The following TRAPPC9 variants were observed in gnomAD, a reference collection of about 807,000 sequenced individuals.
TRAPPC9 encodes IKK2 binding protein.
In TRAPPC9, 83 loss-of-function variants were observed where a neutral mutation model predicts 124.0. The observed-to-expected ratio is 0.67, with a 90% CI of 0.56 to 0.80. The LOEUF (loss-of-function observed/expected upper bound fraction) is 0.80. Ranked by LOEUF, TRAPPC9 falls within the 30% of genes least tolerant of loss-of-function variation. The pLI is 0.00. For synonymous variants in TRAPPC9, 638 were observed against 617.5 expected (o/e 1.03, Z -0.49); for missense variants, 1,302 against 1,508.3 (o/e 0.86, Z 2.27).
intron 14 of TRAPPC9, among the ~76,000 whole-genome samples, chr8:140,283,587 C>T (rs1009383656): frequency 7.2e-5 from 11 of 152,074 alleles, no homozygotes; most frequent in Admixed American, 2.0e-4. Flanking sequence ...TGAGCCACCG[C>T]GCCAGGCCAA....
At chr8:139,801,833 A>G (rs1177165814) in intron 21 of TRAPPC9, among the ~76,000 whole-genome samples, 1 of 152,198 alleles carries the variant, frequency 6.6e-6, no homozygotes, top group Admixed American at 6.5e-5. Flanking sequence ...TTTGCGGAGC[A>G]TGCAAACCCT....
intron 17 of TRAPPC9, among the ~76,000 whole-genome samples, chr8:140,161,871 C>G (rs921048638): frequency 3.9e-5 from 6 of 152,086 alleles, no homozygotes; most frequent in Non-Finnish European, 8.8e-5. Flanking sequence ...AGCAGGCCAC[C>G]AGGATACCCA....
At chr8:140,035,032 T>C (rs1010577992) in intron 17 of TRAPPC9, among the ~76,000 whole-genome samples, 4 of 152,214 alleles carry the variant, frequency 2.6e-5, no homozygotes, top group Admixed American at 2.0e-4. Flanking sequence ...TGCTCACGGT[T>C]TTTCCCCTTC....
chr8:140,208,218 G>A (rs1373717593), intron 17 of TRAPPC9, among the ~76,000 whole-genome samples: 2 of 151,922 alleles, frequency 1.3e-5, no homozygotes, highest in East Asian at 1.9e-4. Flanking sequence ...GGTATTATCA[G>A]TTAGTTGCTG....
intron 17 of TRAPPC9, among the ~76,000 whole-genome samples, chr8:140,149,853 A>G (rs13252679): frequency 0.66 from 100,903 of 152,060 alleles, 33,787 homozygotes; most frequent in Admixed American, 0.72. Flanking sequence ...TGGAGCCTAC[A>G]TGAGGTGGCT....
chr8:140,450,265 G>A (rs2071409501), intron 2 of TRAPPC9, among the ~76,000 whole-genome samples: 1 of 152,132 alleles, frequency 6.6e-6, no homozygotes, highest in South Asian at 2.1e-4. Flanking sequence ...GGAGGCTGAG[G>A]CATGAGAATC....
intron 21 of TRAPPC9, among the ~76,000 whole-genome samples, chr8:139,807,924 C>T (rs923421970): frequency 1.3e-5 from 2 of 152,250 alleles, no homozygotes; most frequent in South Asian, 2.1e-4. Context: ...GGACTCATAA[C>T]ATGAGAACTT....
At chr8:139,780,800 G>A (rs956904849) in intron 21 of TRAPPC9, among the ~76,000 whole-genome samples, 11 of 151,064 alleles carry the variant, frequency 7.3e-5, no homozygotes, top group East Asian at 3.9e-4. Flanking sequence ...CAAAATATAC[G>A]AAGAACTCCA....
intron 2 of TRAPPC9, among the ~76,000 whole-genome samples, chr8:140,442,595 CAAAAA>C (rs34248211): frequency 3.4e-5 from 4 of 118,976 alleles, no homozygotes; most frequent in Non-Finnish European, 3.5e-5. Context: ...GAGCCTCTGT[CAAAAA>C]AAAAAAAAAA....
At chr8:139,858,823 C>CG (rs5895623) in intron 21 of TRAPPC9, among the ~76,000 whole-genome samples, 6,832 of 149,410 alleles carry the variant, frequency 0.046, 289 homozygotes, top group African/African-American at 0.12. Flanking sequence ...ACTGTGAATC[C>CG]GGGGGGGGCA....
chr8:140,394,127 C>A (rs1001898185), intron 7 of TRAPPC9, among the ~76,000 whole-genome samples: 2 of 152,208 alleles, frequency 1.3e-5, no homozygotes, highest in African/African-American at 4.8e-5. Flanking sequence ...TGTTTCTATA[C>A]CCACCAGTGA....
At chr8:139,971,810 T>TACACACACACACACA (rs1587376812) in intron 19 of TRAPPC9, among the ~76,000 whole-genome samples, 1 of 135,874 alleles carries the variant, frequency 7.4e-6, no homozygotes, top group Non-Finnish European at 1.6e-5. Context: ...TATACATATA[T>TACACACACACACACA]ATATATACAC....
At chr8:140,047,722 C>T (rs1042457311) in intron 17 of TRAPPC9, among the ~76,000 whole-genome samples, 1 of 152,166 alleles carries the variant, frequency 6.6e-6, no homozygotes, top group African/African-American at 2.4e-5. Context: ...GTGCCAGCCC[C>T]GAGTTCCGGT....
chr8:140,167,200 A>G (rs1156485674), intron 17 of TRAPPC9, among the ~76,000 whole-genome samples: 3 of 152,168 alleles, frequency 2.0e-5, no homozygotes, highest in East Asian at 3.8e-4. Context: ...TGCAGGATTC[A>G]TGTCAATATC....
intron 21 of TRAPPC9, among the ~76,000 whole-genome samples, chr8:139,804,855 C>T (rs895113370): frequency 6.6e-6 from 1 of 152,142 alleles, no homozygotes; most frequent in African/African-American, 2.4e-5. Context: ...GTGCTTCAGA[C>T]ACATTACTGA....
chr8:139,804,807 C>G (rs1823927843), intron 21 of TRAPPC9, among the ~76,000 whole-genome samples: 1 of 152,132 alleles, frequency 6.6e-6, no homozygotes, highest in African/African-American at 2.4e-5. Context: ...CACCACCCAC[C>G]ACCAAGGCAG....
chr8:139,864,065 G>A (rs1436225732), intron 21 of TRAPPC9, among the ~76,000 whole-genome samples: 4 of 152,114 alleles, frequency 2.6e-5, no homozygotes, highest in Non-Finnish European at 5.9e-5. Flanking sequence ...AGCTCCATCA[G>A]GCCACCACAA....
chr8:140,203,874 C>CTA (rs1554643487), intron 17 of TRAPPC9, among the ~76,000 whole-genome samples: 120 of 151,840 alleles, frequency 7.9e-4, no homozygotes, highest in Non-Finnish European at 1.6e-3. Flanking sequence ...TATTAAGCTC[C>CTA]AAAGACTAAG....
At chr8:140,116,079 G>C (rs978316320) in intron 17 of TRAPPC9, among the ~76,000 whole-genome samples, 1 of 152,172 alleles carries the variant, frequency 6.6e-6, no homozygotes, top group African/African-American at 2.4e-5. Context: ...GCAAAGAGGT[G>C]TGACAAAGAA....
Sources: gnomAD v4.1 joint callset for allele counts (sites outside exome capture counted in the v4.1 genomes callset) on GRCh38, gnomAD v4.1.1 for gene constraint, MANE v1.5 for transcripts, NCBI Gene and HGNC (gene_info 2026-07-23, HGNC 2026-07-21) for gene names.